The following CCDC196 variants were observed in gnomAD, a reference collection of about 807,000 sequenced individuals.
CCDC196 encodes the protein coiled-coil domain-containing protein 196.
At chr14:66,488,698 C>T (rs1329210818) in intron 3 of CCDC196, among the ~76,000 whole-genome samples, 5 of 152,016 alleles carry the variant, frequency 3.3e-5, no homozygotes, top group East Asian at 3.8e-4. Context: ...GAAATGGCCA[C>T]ATAAGAGCAT....
chr14:66,491,242 T>C (rs2057527952), intron 6 of CCDC196, 138 bp downstream of exon 6: 2 of 399,656 alleles, frequency 5.0e-6, no homozygotes, highest in Non-Finnish European at 8.9e-6. Flanking sequence ...CTTGTGTTAC[T>C]ATATTTGAGT....
intron 4 of CCDC196, among the ~76,000 whole-genome samples, chr14:66,490,161 A>T (rs2057502706): frequency 6.6e-6 from 1 of 152,190 alleles, no homozygotes; most frequent in South Asian, 2.1e-4. Context: ...CGTAATAGGA[A>T]ATGTGCCAGC....
intron 5 of CCDC196, 41 bp downstream of exon 5, chr14:66,490,860 T>C (rs1215369824): frequency 1.9e-4 from 75 of 403,908 alleles, no homozygotes; most frequent in Non-Finnish European, 3.1e-5. Flanking sequence ...AGATTGTCGA[T>C]GTCACACAGC....
intron 4 of CCDC196, among the ~76,000 whole-genome samples, chr14:66,489,856 G>T (rs908363115): frequency 1.3e-5 from 2 of 152,198 alleles, no homozygotes; most frequent in Non-Finnish European, 2.9e-5. Flanking sequence ...GGGAGTAGGG[G>T]GAAGGGGACA....
intron 8 of CCDC196, among the ~76,000 whole-genome samples, chr14:66,493,163 G>T (rs2057582150): frequency 6.6e-6 from 1 of 152,122 alleles, no homozygotes; most frequent in Non-Finnish European, 1.5e-5. Context: ...TAATTTCTTA[G>T]TCTTATTCTG....
rs956310605 is a variant in CCDC196 at position 66,498,182 on chromosome 14, C to A, written c.774+15C>A. 5 of 412,388 alleles carry A rather than the reference C, an allele frequency of 1.2e-5. No individual in the cohort carries two copies. The highest frequency in any genetic ancestry group is 1.0e-4 in the African/African-American group (5 of 48,490). 25.5% of individuals were successfully genotyped at this position (412,388 alleles called of 1,614,324 possible). ...AACACCATGTGGTGAGAACTACTTTCTTTAAACAAACAAAAAATCGTTTTA... is the reference window on the plus strand; with the variant it reads ...AACACCATGTGGTGAGAACTACTTTATTTAAACAAACAAAAAATCGTTTTA... On this transcript the variant is annotated intron_variant, in intron 9 of 9. Coordinates refer to ENST00000636229, the MANE Select transcript of CCDC196 (RefSeq NM_001351576.1).
At chr14:66,488,323 T>C in intron 3 of CCDC196, 67 bp downstream of exon 3, 1 of 408,574 alleles carries the variant, frequency 2.4e-6, no homozygotes, top group Non-Finnish European at 4.4e-6. Flanking sequence ...CAGTGTCAGA[T>C]GTGGAGAGAA....
chr14:66,490,780 A>G lies in CCDC196; in HGVS notation c.390A>G (p.Ala130=), dbSNP rs1277341667. The change falls in exon 5 of 10, where the codon GCA becomes GCG. Residue 130 remains alanine, a synonymous_variant. Transcript: ENST00000636229. ...AAGAACTTAGTGATCAACAAAAAGC[A>G]CCACAGACAAAAAACAAGGCAGACT... is the stretch of plus-strand genomic sequence containing the variant. ...EAEELSDQQK[A]PQTKNKADLQ... 1 of 399,522 alleles carries G rather than the reference A, an allele frequency of 2.5e-6. No homozygotes were observed. Among genetic ancestry groups the G allele is most frequent in the African/African-American group, 2.1e-5 (1 of 48,650 alleles). The allele number at this position is 399,522 out of a possible 1,614,324, so 24.7% of individuals were successfully genotyped here.
rs1188640322 is a variant in CCDC196, at chr14:66,498,395, A to T, written c.817A>T (p.Lys273Ter). 1 of 413,214 alleles carries T rather than the reference A, an allele frequency of 2.4e-6. No homozygotes were observed. The highest frequency in any genetic ancestry group is 4.4e-6 in the Non-Finnish European group (1 of 225,858). The allele number at this position is 413,214 out of a possible 1,614,324, so 25.6% of individuals were successfully genotyped here. ...GATCTACACAGAACAACAAGGAACT[A>T]AAGGAAGTCAGCTTGATAATACAGG... ...TKIYTEQQGT[K>*]GSQLDNTGGR... is the part of the protein sequence containing the mutation. Residue 273 changes from lysine to a stop codon, truncating the protein, a stop_gained, in exon 10 of 10, where the codon AAA becomes TAA. Transcript: ENST00000636229. LOFTEE classifies it high-confidence loss of function.
chr14:66,494,860 C>T (rs2057625915), intron 8 of CCDC196: 1 of 151,886 alleles, frequency 6.6e-6, no homozygotes, highest in Non-Finnish European at 1.5e-5. Context: ...CCCATCTCTA[C>T]AACAAAATAC....
intron 8 of CCDC196, among the ~76,000 whole-genome samples, chr14:66,497,270 CTTCT>C (rs1278033744): frequency 2.0e-5 from 3 of 152,120 alleles, no homozygotes; most frequent in African/African-American, 7.2e-5. Flanking sequence ...CATTCTTTTA[CTTCT>C]TTAATACTTC....
chr14:66,487,565 C>T (rs2057436677), intron 2 of CCDC196, among the ~76,000 whole-genome samples: 1 of 152,152 alleles, frequency 6.6e-6, no homozygotes, highest in African/African-American at 2.4e-5. Flanking sequence ...AGTACAAGAA[C>T]ACAAATATAA....
chr14:66,498,301 T>C (rs2057714101), intron 9 of CCDC196, 52 bp from the exon 10 acceptor site: 1 of 412,502 alleles, frequency 2.4e-6, no homozygotes, highest in Non-Finnish European at 4.4e-6. Context: ...GAGTGGGTGC[T>C]AGGGTACTCA....
chr14:66,492,384 G>A (rs190283784), intron 8 of CCDC196, among the ~76,000 whole-genome samples, 190 bp downstream of exon 8: 18 of 146,612 alleles, frequency 1.2e-4, no homozygotes, highest in African/African-American at 4.3e-4. Flanking sequence ...TGCCCAGGCT[G>A]GAGTGCAGTG....
chr14:66,496,303 T>C lies in CCDC196; in HGVS notation c.716-1806T>C, dbSNP rs911595674. ...AAGAATTCCTCCTCCCACTGTCCGA[T>C]GTGCTGGTTGGCTGAGTTGCAGTGG... On this transcript the variant is annotated intron_variant, in intron 8 of 9. Coordinates refer to ENST00000636229, the MANE Select transcript of CCDC196 (RefSeq NM_001351576.1). 2.4e-5 allele frequency: 11 copies of C among 456,182 alleles called. No homozygotes were observed. The East Asian group carries it at 4.2e-4, about 17-fold the overall frequency. 28.3% of individuals were successfully genotyped at this position (456,182 alleles called of 1,614,324 possible). A position where few individuals can be genotyped will look rare whatever the true frequency, so the allele number is the denominator to read the frequency against.
intron 8 of CCDC196, chr14:66,494,680 A>G (rs1386665354): frequency 6.6e-6 from 1 of 152,234 alleles, no homozygotes; most frequent in African/African-American, 2.4e-5. Context: ...CTAGAAAAAT[A>G]CATAAGCCTG....
rs573379785 is a variant in CCDC196 at position 66,489,022 on chromosome 14, G to C, written c.336G>C (p.Glu112Asp). The C allele has an allele frequency of 2.4e-6, 1 of 413,260 alleles. No individual in the cohort carries two copies. The highest frequency in any genetic ancestry group is 4.4e-6 in the Non-Finnish European group (1 of 225,986). 25.6% of individuals were successfully genotyped at this position (413,260 alleles called of 1,614,324 possible). A position where few individuals can be genotyped will look rare whatever the true frequency, so the allele number is the denominator to read the frequency against. The change falls in exon 4 of 10, where the codon GAG (glutamate) becomes GAC (aspartate). Residue 112 changes from glutamate to aspartate, a missense_variant. Coordinates refer to ENST00000636229, the MANE Select transcript of CCDC196 (RefSeq NM_001351576.1). Reference protein sequence around the residue: ...RKNKMLRKEMEMLWNKTFEAE... With the variant: ...RKNKMLRKEMDMLWNKTFEAE... The stretch of plus-strand genomic sequence containing the variant: ...ACAAGATGCTTCGGAAGGAAATGGA[G>C]ATGCTATGGAACAAGGTGTGCCTCT...
intron 6 of CCDC196, 62 bp from the exon 7 acceptor site, chr14:66,491,564 T>C (rs938884493): frequency 1.2e-5 from 5 of 413,290 alleles, no homozygotes; most frequent in Admixed American, 4.4e-5. Context: ...TTGCAGCATA[T>C]TGAGAAAACT....
At chr14:66,489,872 T>C (rs1236593720) in intron 4 of CCDC196, among the ~76,000 whole-genome samples, 1 of 152,226 alleles carries the variant, frequency 6.6e-6, no homozygotes, top group Non-Finnish European at 1.5e-5. Flanking sequence ...GGACAGGGAA[T>C]TCCTTTGTCC....
Sources: allele counts gnomAD v4.1 joint callset (sites outside exome capture counted in the v4.1 genomes callset), GRCh38; gene constraint gnomAD v4.1.1; transcripts MANE v1.5; gene names NCBI Gene and HGNC (gene_info 2026-07-23, HGNC 2026-07-21).